TRPM3: variants seen among roughly 807,000 people sequenced by gnomAD.
The protein encoded by TRPM3 is transient receptor potential cation channel subfamily M member 3.
In TRPM3, 77 loss-of-function variants were observed where a neutral mutation model predicts 181.2. The ratio of observed to expected loss-of-function variants is 0.42; its 90% CI spans 0.35 to 0.51. The LOEUF is 0.51. Among genes scored for constraint, TRPM3 ranks in the 20% least tolerant of loss-of-function variants. TRPM3 has a pLI of 0.01. For synonymous variants in TRPM3, 745 were observed against 796.4 expected (o/e 0.94, Z 1.09); for missense variants, 1,759 against 2,196.7 (o/e 0.80, Z 3.98).
intron 22 of TRPM3, among the ~76,000 whole-genome samples, chr9:70,553,513 C>G (rs11142484): frequency 6.6e-6 from 1 of 152,046 alleles, no homozygotes; most frequent in Non-Finnish European, 1.5e-5. Flanking sequence ...TGGGGGGCCT[C>G]GGTTCCACAG....
At chr9:70,595,148 G>A (rs561942598) in intron 21 of TRPM3, among the ~76,000 whole-genome samples, 9 of 152,286 alleles carry the variant, frequency 5.9e-5, no homozygotes, top group African/African-American at 1.4e-4. Context: ...GATGATAGAC[G>A]TGGATTTTAA....
At chr9:70,931,432 A>T (rs903642299) in intron 1 of TRPM3, among the ~76,000 whole-genome samples, 1 of 152,120 alleles carries the variant, frequency 6.6e-6, no homozygotes, top group Non-Finnish European at 1.5e-5. Flanking sequence ...TACAAATGTG[A>T]CCTCTTGATG....
In TRPM3 at chr9:70,912,783, AT is replaced by A. The variant is rs2096551374; in HGVS notation, c.178-48273del. On this transcript the variant is annotated intron_variant, in intron 1 of 25. Transcript: ENST00000677713. The stretch of plus-strand genomic sequence containing the variant: ...CACTCTGGCAGGCACATTTCATGGT[AT>A]TTTAGATTTGCCTCTCTCTTTCTCT... 5.3e-5 allele frequency among the ~76,000 whole-genome samples: 8 copies of A among 152,284 alleles called. No homozygotes were observed. The South Asian group carries it at 1.5e-3, about 28-fold the overall frequency.
chr9:71,197,650 T>TCA (rs768648499), intron 1 of TRPM3, among the ~76,000 whole-genome samples: 5 of 152,192 alleles, frequency 3.3e-5, no homozygotes, highest in Non-Finnish European at 5.9e-5. Context: ...CATGTGTCTT[T>TCA]TGGCTACATA....
At chr9:71,417,266 A>G (rs2093650512) in intron 1 of TRPM3, among the ~76,000 whole-genome samples, 1 of 151,990 alleles carries the variant, frequency 6.6e-6, no homozygotes. Context: ...TTAATAACAC[A>G]TGTGAGTTTC....
At chr9:71,391,253 CATTATTTCTATTTTACACAACAGGA>C (rs1272314878) in intron 1 of TRPM3, among the ~76,000 whole-genome samples, 1 of 151,904 alleles carries the variant, frequency 6.6e-6, no homozygotes, top group African/African-American at 2.4e-5. Flanking sequence ...GTATCATTAC[CATTATTTCTATTTTACACAACAGGA>C]AACAGAAGAT....
rs558199839 is a variant in TRPM3 at position 71,258,221 on chromosome 9, C to G, written c.183+188432G>C. 2.6e-5 allele frequency among the ~76,000 whole-genome samples: 4 copies of G among 152,254 alleles called. No individual in the cohort carries two copies. In the East Asian group the frequency reaches 7.7e-4, roughly 29 times the overall value. ...TTTAAGTCTTACCAATAACATTATA[C>G]AGTGAATGCTGTTATTAGCCCCACT... is the stretch of plus-strand genomic sequence containing the variant. On this transcript the variant is annotated intron_variant, in intron 1 of 24. Transcript: ENST00000357533.
upstream of TRPM3, among the ~76,000 whole-genome samples, chr9:71,122,008 A>G (rs1406977651): frequency 6.6e-6 from 1 of 152,224 alleles, no homozygotes; most frequent in Non-Finnish European, 1.5e-5. Context: ...TGCATAGATG[A>G]CAGACACTGA....
At chr9:70,613,000 G>T (rs886997125) in intron 18 of TRPM3, among the ~76,000 whole-genome samples, 1 of 152,164 alleles carries the variant, frequency 6.6e-6, no homozygotes, top group Non-Finnish European at 1.5e-5. Flanking sequence ...CTGTGGACTT[G>T]TGGGGACTTT....
chr9:70,652,863 G>A (rs923588493), intron 9 of TRPM3, among the ~76,000 whole-genome samples: 2 of 152,172 alleles, frequency 1.3e-5, no homozygotes, highest in East Asian at 3.9e-4. Flanking sequence ...GTTTGGTGAG[G>A]TAGAAGCTGG....
At chr9:70,787,488 A>T (rs1044771366) in intron 6 of TRPM3, among the ~76,000 whole-genome samples, 2 of 152,144 alleles carry the variant, frequency 1.3e-5, no homozygotes. Flanking sequence ...GCCTAAAACT[A>T]TCATGCTTAT....
intron 6 of TRPM3, among the ~76,000 whole-genome samples, chr9:70,823,305 G>C (rs896313370): frequency 6.6e-6 from 1 of 152,170 alleles, no homozygotes. Context: ...TAATCTCTAC[G>C]TACTATAGCA....
intron 1 of TRPM3, among the ~76,000 whole-genome samples, chr9:71,311,562 C>T (rs1428012160): frequency 6.6e-6 from 1 of 151,890 alleles, no homozygotes; most frequent in Non-Finnish European, 1.5e-5. Flanking sequence ...TGTCCACATG[C>T]CAAAAAACTG....
intron 16 of TRPM3, 95 bp from the exon 17 acceptor site, chr9:70,619,190 T>A: frequency 2.0e-6 from 2 of 996,616 alleles, no homozygotes; most frequent in Admixed American, 2.4e-5. Context: ...ATGGGGTCAC[T>A]GGATGATGTA....
chr9:71,427,578 C>T (rs2093886484), intron 1 of TRPM3, among the ~76,000 whole-genome samples: 1 of 152,142 alleles, frequency 6.6e-6, no homozygotes, highest in African/African-American at 2.4e-5. Context: ...ACTATGCAGG[C>T]ATAAAAAAGA....
intron 1 of TRPM3, among the ~76,000 whole-genome samples, chr9:70,895,588 C>A (rs2096269755): frequency 6.6e-6 from 1 of 151,986 alleles, no homozygotes; most frequent in Non-Finnish European, 1.5e-5. Flanking sequence ...GAGCAAATTC[C>A]CAGTATTATG....
intron 8 of TRPM3, among the ~76,000 whole-genome samples, chr9:70,690,983 G>A (rs1300716009): frequency 3.3e-5 from 5 of 152,182 alleles, no homozygotes; most frequent in African/African-American, 9.6e-5. Context: ...TTGCCAAAGA[G>A]ACTGACTTCT....
At chr9:71,174,712 G>A (rs186582953) in intron 1 of TRPM3, among the ~76,000 whole-genome samples, 1 of 152,038 alleles carries the variant, frequency 6.6e-6, no homozygotes, top group Non-Finnish European at 1.5e-5. Context: ...AAATCTGAGG[G>A]TGAAAAAGAA....
chr9:70,792,816 A>C (rs1418717082), intron 6 of TRPM3, among the ~76,000 whole-genome samples: 1 of 152,184 alleles, frequency 6.6e-6, no homozygotes, highest in Admixed American at 6.5e-5. Context: ...AGTAAATATT[A>C]ATATTTTAGA....
Sources: allele counts gnomAD v4.1 joint callset (sites outside exome capture counted in the v4.1 genomes callset), GRCh38; gene constraint gnomAD v4.1.1; transcripts MANE v1.5; gene names NCBI Gene and HGNC (gene_info 2026-07-23, HGNC 2026-07-21).